IL15: variants seen among roughly 807,000 people sequenced by gnomAD.
IL15 encodes the protein interleukin 15.
Under a neutral mutation model 19.6 loss-of-function variants are expected in IL15, and 11 were observed. The observed-to-expected ratio is 0.56, with a 90% confidence interval of 0.35 to 0.93. The LOEUF is 0.93. Ranked by LOEUF, IL15 falls within the 40% of genes least tolerant of loss-of-function variation. The pLI is 0.01. For synonymous variants in IL15, 58 were observed against 59.6 expected (o/e 0.97, Z 0.12); for missense variants, 197 against 186.5 (o/e 1.06, Z -0.33).
At chr4:141,703,190 A>G (rs1432172957) in intron 2 of IL15, among the ~76,000 whole-genome samples, 1 of 152,176 alleles carries the variant, frequency 6.6e-6, no homozygotes, top group Non-Finnish European at 1.5e-5. Context: ...CTGCAGAAAT[A>G]GCAAGCATGA....
At chr4:141,719,333 C>G in intron 2 of IL15, 33 bp from the exon 3 acceptor site, 2 of 572,052 alleles carry the variant, frequency 3.5e-6, no homozygotes, top group East Asian at 5.8e-5. Context: ...TACTAGTGCA[C>G]TTGTGTTTTT....
intron 2 of IL15, among the ~76,000 whole-genome samples, chr4:141,661,627 TG>T (rs1727792585): frequency 6.6e-6 from 1 of 152,174 alleles, no homozygotes; most frequent in Non-Finnish European, 1.5e-5. Context: ...ACAGCCTGTG[TG>T]GCTCATCTTT....
chr4:141,639,262 G>T (rs557169104), intron 1 of IL15, among the ~76,000 whole-genome samples: 1 of 152,214 alleles, frequency 6.6e-6, no homozygotes, highest in South Asian at 2.1e-4. Context: ...CAAATATTTC[G>T]TACAATTTGA....
At chr4:141,659,510 T>C (rs563958575) in intron 2 of IL15, among the ~76,000 whole-genome samples, 47 of 152,316 alleles carry the variant, frequency 3.1e-4, no homozygotes, top group African/African-American at 1.1e-3. Context: ...CAGTGTCTTA[T>C]TGATACACAC....
At chr4:141,645,257 C>A (rs1578984742) in intron 1 of IL15, among the ~76,000 whole-genome samples, 1 of 152,060 alleles carries the variant, frequency 6.6e-6, no homozygotes, top group African/African-American at 2.4e-5. Context: ...GCCATAGAAA[C>A]CCTTACCATT....
chr4:141,681,975 C>A (rs1728549167), intron 2 of IL15, among the ~76,000 whole-genome samples: 2 of 152,146 alleles, frequency 1.3e-5, no homozygotes, highest in Non-Finnish European at 2.9e-5. Flanking sequence ...ACTTATAGCT[C>A]AGGTTGAAGT....
intron 1 of IL15, among the ~76,000 whole-genome samples, chr4:141,637,855 A>G (rs1268176991): frequency 6.6e-6 from 1 of 152,232 alleles, no homozygotes; most frequent in African/African-American, 2.4e-5. Flanking sequence ...GTGTGGTGAA[A>G]GAGGCCATAT....
chr4:141,667,090 A>G (rs1256199240), intron 2 of IL15, among the ~76,000 whole-genome samples: 1 of 152,186 alleles, frequency 6.6e-6, no homozygotes, highest in Non-Finnish European at 1.5e-5. Context: ...GGCACATCCC[A>G]TTTACACAGG....
At chr4:141,719,582 A>AGACATCTGT in intron 3 of IL15, 106 bp downstream of exon 3, 1 of 812,486 alleles carries the variant, frequency 1.2e-6, no homozygotes, top group Non-Finnish European at 1.9e-6. Flanking sequence ...AAAGATCTTG[A>AGACATCTGT]GATATCACAG....
intron 7 of IL15, 71 bp downstream of exon 7, chr4:141,730,055 A>G (rs1265995289): frequency 9.0e-6 from 11 of 1,215,938 alleles, no homozygotes; most frequent in East Asian, 4.7e-5. Flanking sequence ...TCATTCATGG[A>G]CAAGCAGATC....
At chr4:141,719,343 T>G in intron 2 of IL15, 23 bp from the exon 3 acceptor site, 1 of 588,110 alleles carries the variant, frequency 1.7e-6, no homozygotes. Context: ...CTTGTGTTTT[T>G]AATGGATCAT....
intron 2 of IL15, among the ~76,000 whole-genome samples, chr4:141,689,622 TAG>T (rs1453288982): frequency 6.8e-6 from 1 of 147,952 alleles, no homozygotes; most frequent in Non-Finnish European, 1.5e-5. Context: ...CCAGAGTAGC[TAG>T]ATAGTGTCGA....
chr4:141,644,485 G>A (rs1029523130), intron 1 of IL15, among the ~76,000 whole-genome samples: 1 of 152,120 alleles, frequency 6.6e-6, no homozygotes, highest in Non-Finnish European at 1.5e-5. Context: ...GGCTGGCCAA[G>A]CATCCATCTC....
intron 2 of IL15, among the ~76,000 whole-genome samples, chr4:141,680,843 C>T (rs1728507828): frequency 6.6e-6 from 1 of 152,146 alleles, no homozygotes; most frequent in Admixed American, 6.5e-5. Flanking sequence ...CAACAATTCA[C>T]CTCTTTCATT....
intron 2 of IL15, among the ~76,000 whole-genome samples, chr4:141,690,090 C>A (rs894400409): frequency 6.6e-6 from 1 of 152,138 alleles, no homozygotes; most frequent in Non-Finnish European, 1.5e-5. Flanking sequence ...CCTCTGCAGC[C>A]GCTGGCCCCG....
intron 1 of IL15, among the ~76,000 whole-genome samples, chr4:141,644,540 T>C (rs12508866): frequency 0.17 from 26,288 of 152,142 alleles, 2,763 homozygotes; most frequent in Admixed American, 0.27. Context: ...CTTTACATAA[T>C]GTTGGCCTCA....
At chr4:141,667,996 T>C (rs1057049488) in intron 2 of IL15, among the ~76,000 whole-genome samples, 1 of 152,236 alleles carries the variant, frequency 6.6e-6, no homozygotes, top group African/African-American at 2.4e-5. Flanking sequence ...TCATGGGACA[T>C]TAAACTTTGA....
chr4:141,672,846 G>T (rs576570609), intron 2 of IL15, among the ~76,000 whole-genome samples: 8 of 152,162 alleles, frequency 5.3e-5, no homozygotes, highest in African/African-American at 1.9e-4. Context: ...TAGATATGTT[G>T]CCCTCTCAGG....
At position 141,729,929 on chromosome 4, in the gene IL15, A is replaced by G. The variant is rs765929178; in HGVS notation, c.323A>G (p.His108Arg). 1 of 1,598,750 alleles carries G rather than the reference A, an allele frequency of 6.3e-7. No homozygotes were observed. The highest frequency in any genetic ancestry group is 1.1e-5 in the South Asian group (1 of 90,764). ...ISLESGDASI[H>R]DTVENLIILA... is the part of the protein sequence containing the mutation. ...CTTGAGTCCGGAGATGCAAGTATTC[A>G]TGATACAGTAGAAAATCTGATCATC... The change falls in exon 7 of 8, where the codon CAT becomes CGT. Residue 108 changes from histidine (H) to arginine (R), a missense_variant. By Grantham distance (29) the His-to-Arg change is conservative. Transcript: ENST00000320650.
Sources: allele counts gnomAD v4.1 joint callset (sites outside exome capture counted in the v4.1 genomes callset), GRCh38; gene constraint gnomAD v4.1.1; transcripts MANE v1.5; gene names NCBI Gene and HGNC (gene_info 2026-07-23, HGNC 2026-07-21).